The following RIGI variants were observed in gnomAD, a reference collection of about 807,000 sequenced individuals.
RIGI encodes antiviral innate immune response receptor RIG-I.
the RIGI span, among the ~76,000 whole-genome samples, chr9:32,512,032 A>C: frequency 6.6e-6 from 1 of 152,244 alleles, no homozygotes; most frequent in East Asian, 1.9e-4. Flanking sequence ...TAAACCAGGA[A>C]GAAGTCAAAT....
chr9:32,479,451 G>A, the RIGI span, among the ~76,000 whole-genome samples: 1 of 152,140 alleles, frequency 6.6e-6, no homozygotes. Flanking sequence ...AAAACAGGGA[G>A]AAGGAAAACT....
chr9:32,461,293 AT>A, the RIGI span, among the ~76,000 whole-genome samples: 1 of 152,246 alleles, frequency 6.6e-6, no homozygotes, highest in African/African-American at 2.4e-5. Flanking sequence ...CCCTAAAAGA[AT>A]GGCTAAAAGA....
At chr9:32,496,053 T>G in the RIGI span, among the ~76,000 whole-genome samples, 1 of 152,376 alleles carries the variant, frequency 6.6e-6, no homozygotes, top group East Asian at 1.9e-4. Flanking sequence ...GGTTGACTTT[T>G]CACCCTATTA....
the RIGI span, among the ~76,000 whole-genome samples, chr9:32,480,948 A>G: frequency 6.6e-6 from 1 of 152,226 alleles, no homozygotes; most frequent in African/African-American, 2.4e-5. Context: ...GGCGTCACCA[A>G]AGGTGAAGAA....
At chr9:32,487,778 A>T in the RIGI span, 1 of 1,243,872 alleles carries the variant, frequency 8.0e-7, no homozygotes, top group Non-Finnish European at 1.1e-6. Context: ...CACATAATGC[A>T]TATTTACTAA....
chr9:32,467,875 TG>T, the RIGI span: 1 of 1,613,532 alleles, frequency 6.2e-7, no homozygotes, highest in South Asian at 1.1e-5. Context: ...CAGAATATTG[TG>T]ATCTCCACTG....
chr9:32,456,972 G>C, the RIGI span: 3 of 624,994 alleles, frequency 4.8e-6, no homozygotes, highest in Non-Finnish European at 8.2e-6. Flanking sequence ...TTTGTGCTTT[G>C]CATATATAAT....
the RIGI span, among the ~76,000 whole-genome samples, chr9:32,499,104 C>T: frequency 1.8e-4 from 28 of 151,356 alleles, no homozygotes; most frequent in African/African-American, 6.8e-4. Context: ...TCCTAATTTA[C>T]AATTCCCAAA....
chr9:32,472,184 T>C, the RIGI span, among the ~76,000 whole-genome samples: 1 of 152,204 alleles, frequency 6.6e-6, no homozygotes, highest in Non-Finnish European at 1.5e-5. Context: ...ACAAAAGCTA[T>C]GCATATCTAC....
chr9:32,470,387 TA>T, the RIGI span, among the ~76,000 whole-genome samples: 1 of 152,264 alleles, frequency 6.6e-6, no homozygotes, highest in Non-Finnish European at 1.5e-5. Context: ...ACTGCCATTA[TA>T]GTTGGAAAGC....
At chr9:32,497,646 C>T in the RIGI span, among the ~76,000 whole-genome samples, 1 of 152,212 alleles carries the variant, frequency 6.6e-6, no homozygotes. Context: ...ACTCGGGAGG[C>T]TGAGGCAGGA....
the RIGI span, chr9:32,485,096 G>A: frequency 2.8e-6 from 3 of 1,056,888 alleles, no homozygotes; most frequent in East Asian, 4.8e-5. Flanking sequence ...CTGAACTAAG[G>A]AGAACACAAA....
chr9:32,490,186 C>T, the RIGI span, among the ~76,000 whole-genome samples: 1 of 152,144 alleles, frequency 6.6e-6, no homozygotes, highest in Middle Eastern at 3.4e-3. Context: ...ACAGCCTGGC[C>T]GACATGCTGA....
At chr9:32,479,476 TAA>T in the RIGI span, among the ~76,000 whole-genome samples, 1 of 152,192 alleles carries the variant, frequency 6.6e-6, no homozygotes, top group African/African-American at 2.4e-5. Flanking sequence ...TTTGTTTGTT[TAA>T]TATCTATTTT....
the RIGI span, among the ~76,000 whole-genome samples, chr9:32,497,471 G>A: frequency 6.6e-6 from 1 of 152,140 alleles, no homozygotes; most frequent in Non-Finnish European, 1.5e-5. Context: ...CCATCGGCTG[G>A]GCGCAGTGGC....
chr9:32,468,263 A>AC, the RIGI span, among the ~76,000 whole-genome samples: 1 of 152,278 alleles, frequency 6.6e-6, no homozygotes, highest in East Asian at 1.9e-4. Context: ...TAACACCTTT[A>AC]CATGTGTGTA....
At chr9:32,457,838 G>A in the RIGI span, among the ~76,000 whole-genome samples, 6 of 152,158 alleles carry the variant, frequency 3.9e-5, no homozygotes, top group South Asian at 2.1e-4. Context: ...ATTGAAGAAG[G>A]TCAGGGACTA....
At chr9:32,518,601 T>A in the RIGI span, among the ~76,000 whole-genome samples, 1 of 152,232 alleles carries the variant, frequency 6.6e-6, no homozygotes, top group Admixed American at 6.5e-5. Flanking sequence ...TAATTAACAC[T>A]GCTCATAGTT....
the RIGI span, chr9:32,492,539 C>A: frequency 6.2e-7 from 1 of 1,614,126 alleles, no homozygotes; most frequent in East Asian, 2.2e-5. Context: ...TAGAGCAAAT[C>A]TAAGCAAGGT....
Sources: gnomAD v4.1 joint callset for allele counts (sites outside exome capture counted in the v4.1 genomes callset) on GRCh38, gnomAD v4.1.1 for gene constraint, MANE v1.5 for transcripts, NCBI Gene and HGNC (gene_info 2026-07-23, HGNC 2026-07-21) for gene names.